The following MSRB3 variants were observed in gnomAD, a reference collection of about 807,000 sequenced individuals.
The protein encoded by MSRB3 is methionine-R-sulfoxide reductase B3.
Under a neutral mutation model 21.0 loss-of-function variants are expected in MSRB3, and 13 were observed. That is an observed-to-expected ratio of 0.62 (90% CI 0.40 to 0.98). The LOEUF (loss-of-function observed/expected upper bound fraction) is 0.98. Among genes scored for constraint, MSRB3 ranks in the 50% least tolerant of loss-of-function variants. The pLI, the probability that MSRB3 is intolerant of heterozygous loss-of-function variation, is 0.00. For missense variants in MSRB3, 199 were observed against 230.3 expected (o/e 0.86, Z 0.88); for synonymous variants, 87 against 88.6 (o/e 0.98, Z 0.10).
intron 4 of MSRB3, among the ~76,000 whole-genome samples, chr12:65,342,686 ATTC>A (rs1876223501): frequency 6.6e-6 from 1 of 152,060 alleles, no homozygotes; most frequent in Admixed American, 6.6e-5. Flanking sequence ...GTTCTTAATC[ATTC>A]TTCTTATGAT....
intron 4 of MSRB3, among the ~76,000 whole-genome samples, chr12:65,331,230 T>TAC (rs1387413774): frequency 2.0e-5 from 3 of 152,192 alleles, no homozygotes; most frequent in Non-Finnish European, 4.4e-5. Context: ...GGACACAGAA[T>TAC]ACACAGTATT....
intron 1 of MSRB3, among the ~76,000 whole-genome samples, chr12:65,300,820 C>T (rs964554361): frequency 6.6e-6 from 1 of 152,168 alleles, no homozygotes; most frequent in African/African-American, 2.4e-5. Context: ...TTCCCTGCTG[C>T]AGAGGGAGAG....
At chr12:65,416,222 T>A (rs567399665) in intron 5 of MSRB3, among the ~76,000 whole-genome samples, 49 of 152,288 alleles carry the variant, frequency 3.2e-4, no homozygotes, top group African/African-American at 1.1e-3. Context: ...TGGGGAAATG[T>A]TCCCCATTAA....
At chr12:65,300,199 T>A (rs1284739662) in intron 1 of MSRB3, among the ~76,000 whole-genome samples, 1 of 152,192 alleles carries the variant, frequency 6.6e-6, no homozygotes. Context: ...ACATCGTCAT[T>A]TTATTGTGAC....
chr12:65,388,895 A>C (rs1173652516), intron 5 of MSRB3, among the ~76,000 whole-genome samples: 1 of 152,174 alleles, frequency 6.6e-6, no homozygotes, highest in East Asian at 1.9e-4. Flanking sequence ...AGAGAAGAGA[A>C]AAGCTTTTTA....
chr12:65,451,899 G>C (rs1200300085), intron 5 of MSRB3, among the ~76,000 whole-genome samples: 1 of 152,132 alleles, frequency 6.6e-6, no homozygotes, highest in Non-Finnish European at 1.5e-5. Flanking sequence ...CACTGTGTTA[G>C]GCAATGAGAA....
intron 4 of MSRB3, among the ~76,000 whole-genome samples, chr12:65,329,516 G>T (rs1875271157): frequency 1.3e-5 from 2 of 152,050 alleles, no homozygotes; most frequent in African/African-American, 4.8e-5. Flanking sequence ...TAGGCATGGT[G>T]GTGTGCGCCT....
At chr12:65,323,190 G>A (rs1166082176) in intron 2 of MSRB3, among the ~76,000 whole-genome samples, 1 of 152,178 alleles carries the variant, frequency 6.6e-6, no homozygotes, top group Non-Finnish European at 1.5e-5. Flanking sequence ...AGGTCACGTG[G>A]CTGGGAAGCA....
chr12:65,344,402 G>C lies in MSRB3; in HGVS notation c.263+15799G>C, dbSNP rs74580264. Reference sequence around the variant, plus strand: ...GGAAAAGAGCAATTTTGCTTATTTAGAGTAAAAAGAGATCTAGAGAAACTC... The same window carrying C: ...GGAAAAGAGCAATTTTGCTTATTTACAGTAAAAAGAGATCTAGAGAAACTC... On this transcript the variant is annotated intron_variant, in intron 4 of 6. Transcript: ENST00000308259. 8.1e-3 allele frequency among the ~76,000 whole-genome samples: 1,230 copies of C among 152,034 alleles called. 18 individuals carry two copies. Among genetic ancestry groups the C allele is most frequent in the African/African-American group, 0.029 (1,189 of 41,504 alleles).
At chr12:65,377,375 G>A (rs12319371) in intron 5 of MSRB3, among the ~76,000 whole-genome samples, 5 of 152,064 alleles carry the variant, frequency 3.3e-5, no homozygotes, top group Non-Finnish European at 7.4e-5. Flanking sequence ...GGGATCAAGC[G>A]ATTCTCCTGC....
intron 1 of MSRB3, among the ~76,000 whole-genome samples, chr12:65,299,661 G>A (rs1221309204): frequency 1.3e-5 from 2 of 152,146 alleles, no homozygotes; most frequent in Non-Finnish European, 2.9e-5. Context: ...TAAGAAGAAG[G>A]GAGTATGGAT....
chr12:65,397,520 T>A (rs569968519), intron 5 of MSRB3, among the ~76,000 whole-genome samples: 7 of 152,362 alleles, frequency 4.6e-5, no homozygotes, highest in Admixed American at 2.0e-4. Flanking sequence ...CTATCTTGGT[T>A]TTAATTGAGC....
At chr12:65,389,729 C>G (rs1467408822) in intron 5 of MSRB3, among the ~76,000 whole-genome samples, 5 of 152,182 alleles carry the variant, frequency 3.3e-5, no homozygotes, top group Non-Finnish European at 7.3e-5. Context: ...CCAGTGCTCT[C>G]TGGGTCCTGG....
intron 5 of MSRB3, among the ~76,000 whole-genome samples, chr12:65,418,400 T>C (rs1457570358): frequency 6.6e-6 from 1 of 152,234 alleles, no homozygotes; most frequent in African/African-American, 2.4e-5. Flanking sequence ...TTTCGTATAT[T>C]ACACTCTTAT....
intron 5 of MSRB3, among the ~76,000 whole-genome samples, chr12:65,420,642 A>C (rs1881243112): frequency 6.6e-6 from 1 of 151,948 alleles, no homozygotes; most frequent in Non-Finnish European, 1.5e-5. Context: ...CTGCTCCCTC[A>C]AGTAGGCCCC....
At chr12:65,317,928 C>T (rs977490246) in intron 2 of MSRB3, among the ~76,000 whole-genome samples, 6 of 152,066 alleles carry the variant, frequency 3.9e-5, no homozygotes, top group Admixed American at 6.6e-5. Flanking sequence ...AACATATACC[C>T]GTTTAGTCCT....
Position 65,404,768 on chromosome 12 carries a change from T to C in MSRB3, c.292+35742T>C, listed in dbSNP as rs140432160. On this transcript the variant is annotated intron_variant, in intron 5 of 6. Coordinates refer to ENST00000308259, the MANE Select transcript of MSRB3 (RefSeq NM_001031679.3). ...ACCACTTCTTTGTGGTGAGAACACT[T>C]AAAATCTACTCTCTTTGCAATTTTC... 5.7e-3 allele frequency among the ~76,000 whole-genome samples: 871 copies of C among 152,312 alleles called. 6 individuals carry two copies. The highest frequency in any genetic ancestry group is 0.02 in the African/African-American group (823 of 41,570).
At chr12:65,447,264 C>T (rs2136691333) in intron 5 of MSRB3, among the ~76,000 whole-genome samples, 1 of 152,222 alleles carries the variant, frequency 6.6e-6, no homozygotes, top group East Asian at 1.9e-4. Context: ...CCTTGGCCTC[C>T]ATGTTTAAAT....
At chr12:65,355,447 T>C (rs1877328624) in intron 4 of MSRB3, among the ~76,000 whole-genome samples, 1 of 151,910 alleles carries the variant, frequency 6.6e-6, no homozygotes, top group Non-Finnish European at 1.5e-5. Flanking sequence ...TTCATAATCA[T>C]AAGTTGGCTG....
Sources: allele counts gnomAD v4.1 joint callset (sites outside exome capture counted in the v4.1 genomes callset), GRCh38; gene constraint gnomAD v4.1.1; transcripts MANE v1.5; gene names NCBI Gene and HGNC (gene_info 2026-07-23, HGNC 2026-07-21).